The following LRBA variants were observed in gnomAD, a reference collection of about 807,000 sequenced individuals.
LRBA encodes LPS responsive beige-like anchor protein.
Under a neutral mutation model 330.0 loss-of-function variants are expected in LRBA, and 176 were observed. The ratio of observed to expected loss-of-function variants is 0.53; its 90% CI spans 0.47 to 0.60. The LOEUF (loss-of-function observed/expected upper bound fraction) is 0.60. LRBA is among the 20% of genes least tolerant of loss of function. LRBA has a pLI of 0.00. For synonymous variants in LRBA, 1,230 were observed against 1,193.0 expected (o/e 1.03, Z -0.64); for missense variants, 3,259 against 3,444.8 (o/e 0.95, Z 1.35).
intron 40 of LRBA, chr4:150,580,307 G>T (rs1316344434): frequency 6.6e-6 from 1 of 150,472 alleles, no homozygotes; most frequent in African/African-American, 2.4e-5. Flanking sequence ...TTTTTTTTAA[G>T]CAAATATTCC....
At chr4:150,685,233 CT>C (rs1335946273) in intron 36 of LRBA, among the ~76,000 whole-genome samples, 1 of 150,510 alleles carries the variant, frequency 6.6e-6, no homozygotes, top group Non-Finnish European at 1.5e-5. Flanking sequence ...CAGCCAACCC[CT>C]ATGAGACTTT....
At chr4:150,665,211 C>T (rs138918779) in intron 37 of LRBA, among the ~76,000 whole-genome samples, 86 of 152,256 alleles carry the variant, frequency 5.6e-4, no homozygotes, top group African/African-American at 1.9e-3. Flanking sequence ...AGACTCAGCT[C>T]CCAAGGTTTT....
intron 2 of LRBA, among the ~76,000 whole-genome samples, chr4:150,977,879 C>A (rs992256045): frequency 6.6e-6 from 1 of 152,196 alleles, no homozygotes; most frequent in Non-Finnish European, 1.5e-5. Flanking sequence ...GAATAGAGCA[C>A]CAGTCAGATT....
rs546391267 is a variant in LRBA, at chr4:150,741,327, T to C, written c.5646-5961A>G. 3.9e-5 allele frequency among the ~76,000 whole-genome samples: 6 copies of C among 152,180 alleles called. No homozygotes were observed. The East Asian group carries it at 1.2e-3, about 29-fold the overall frequency. ...GCCTCTTACAAATAAAAGAAAATGATCACAATTTTTAAAATGGGAAAAGTA... is the reference window on the plus strand; with the variant it reads ...GCCTCTTACAAATAAAAGAAAATGACCACAATTTTTAAAATGGGAAAAGTA... On this transcript the variant is annotated intron_variant, in intron 35 of 56. Coordinates refer to ENST00000651943, the MANE Select transcript of LRBA (RefSeq NM_001364905.1).
At chr4:150,415,705 A>T (rs1300125440) in intron 46 of LRBA, 115 bp from the exon 47 acceptor site, 3 of 642,948 alleles carry the variant, frequency 4.7e-6, no homozygotes, top group South Asian at 4.8e-5. Flanking sequence ...AACACAGGGA[A>T]TTTTTTTTTC....
chr4:150,880,413 GGGA>G, intron 17 of LRBA, among the ~76,000 whole-genome samples: 1 of 152,172 alleles, frequency 6.6e-6, no homozygotes, highest in East Asian at 1.9e-4. Context: ...CCAGCTACCT[GGGA>G]GGCCAAGGTG....
intron 2 of LRBA, among the ~76,000 whole-genome samples, chr4:151,006,283 G>A (rs530921999): frequency 3.5e-3 from 528 of 152,152 alleles, no homozygotes; most frequent in Non-Finnish European, 4.7e-3. Context: ...CTGAGATCAC[G>A]CCACTACACT....
At chr4:150,348,799 T>C (rs1244019612) in intron 48 of LRBA, among the ~76,000 whole-genome samples, 1 of 152,188 alleles carries the variant, frequency 6.6e-6, no homozygotes, top group Non-Finnish European at 1.5e-5. Context: ...TATGCTATTT[T>C]ATCCCAACAA....
intron 34 of LRBA, among the ~76,000 whole-genome samples, chr4:150,765,633 T>C (rs945289658): frequency 6.6e-6 from 1 of 152,082 alleles, no homozygotes; most frequent in Non-Finnish European, 1.5e-5. Context: ...TTTTCTCAAA[T>C]CCATTTGTTC....
chr4:150,687,490 A>C (rs1783729486), intron 36 of LRBA, among the ~76,000 whole-genome samples: 1 of 152,092 alleles, frequency 6.6e-6, no homozygotes, highest in Non-Finnish European at 1.5e-5. Context: ...CACTATATAA[A>C]CTAGATAATA....
intron 40 of LRBA, among the ~76,000 whole-genome samples, chr4:150,546,139 C>A (rs1050660986): frequency 1.3e-5 from 2 of 152,056 alleles, no homozygotes; most frequent in African/African-American, 4.8e-5. Context: ...TGCGATATTA[C>A]GACTTTGAAC....
chr4:150,849,068 A>T, intron 25 of LRBA, 70 bp from the exon 26 acceptor site: 1 of 1,026,222 alleles, frequency 9.7e-7, no homozygotes, highest in Non-Finnish European at 1.4e-6. Flanking sequence ...ATATAGTCCT[A>T]AAATTTATAA....
chr4:150,539,808 G>A (rs867883600), intron 40 of LRBA, among the ~76,000 whole-genome samples: 4 of 152,120 alleles, frequency 2.6e-5, no homozygotes, highest in Non-Finnish European at 4.4e-5. Flanking sequence ...AGGTGTTGCC[G>A]AGAAGACTAT....
intron 53 of LRBA, among the ~76,000 whole-genome samples, chr4:150,288,345 C>T (rs910181850): frequency 4.6e-5 from 7 of 151,952 alleles, no homozygotes; most frequent in Admixed American, 1.3e-4. Flanking sequence ...CAATGGCTCA[C>T]GCCTGTAATC....
At chr4:150,707,998 T>C (rs1055368401) in intron 36 of LRBA, among the ~76,000 whole-genome samples, 15 of 151,656 alleles carry the variant, frequency 9.9e-5, no homozygotes, top group Non-Finnish European at 8.9e-5. Flanking sequence ...AGAAAATAAG[T>C]CCTTTCAATC....
At chr4:150,668,635 G>A (rs535065837) in intron 37 of LRBA, among the ~76,000 whole-genome samples, 6 of 152,156 alleles carry the variant, frequency 3.9e-5, no homozygotes, top group Admixed American at 2.6e-4. Context: ...AGCATTTATT[G>A]TGTACAATTC....
chr4:150,590,296 T>C (rs1772647008), intron 39 of LRBA, among the ~76,000 whole-genome samples: 1 of 147,840 alleles, frequency 6.8e-6, no homozygotes, highest in Non-Finnish European at 1.5e-5. Flanking sequence ...TACATGCATA[T>C]ACAGCATGTT....
intron 2 of LRBA, among the ~76,000 whole-genome samples, chr4:150,998,620 G>A (rs568695573): frequency 5.5e-4 from 84 of 152,138 alleles, no homozygotes; most frequent in Admixed American, 1.4e-3. Context: ...CTCCCAAAGT[G>A]TCGGGACTAT....
intron 37 of LRBA, among the ~76,000 whole-genome samples, chr4:150,656,457 C>A (rs1057371410): frequency 6.6e-6 from 1 of 152,014 alleles, no homozygotes; most frequent in Non-Finnish European, 1.5e-5. Flanking sequence ...TTAGATAAAA[C>A]CAGTCTTCAA....
Sources: allele counts gnomAD v4.1 joint callset (sites outside exome capture counted in the v4.1 genomes callset), GRCh38; gene constraint gnomAD v4.1.1; transcripts MANE v1.5; gene names NCBI Gene and HGNC (gene_info 2026-07-23, HGNC 2026-07-21).